Variants in USP10 observed in about 807,000 individuals in gnomAD.
The protein encoded by USP10 is ubiquitin carboxyl-terminal hydrolase 10.
In USP10, 22 loss-of-function variants were observed where a neutral mutation model predicts 84.5. The observed-to-expected ratio is 0.26, with a 90% confidence interval of 0.19 to 0.37. USP10 has a LOEUF of 0.37. Ranked by LOEUF, USP10 falls within the 10% of genes least tolerant of loss-of-function variation. The pLI, the probability that USP10 is intolerant of heterozygous loss-of-function variation, is 1.00. For missense variants in USP10, 1,019 were observed against 998.9 expected (o/e 1.02, Z -0.27); for synonymous variants, 454 against 387.6 (o/e 1.17, Z -2.01).
At chr16:84,742,615 C>T (rs1300656691) in intron 3 of USP10, among the ~76,000 whole-genome samples, 3 of 152,156 alleles carry the variant, frequency 2.0e-5, no homozygotes, top group Non-Finnish European at 4.4e-5. Flanking sequence ...TTCCATCTTC[C>T]TAATGTATTG....
At chr16:84,714,389 ACTCC>A (rs1457711525) in intron 1 of USP10, among the ~76,000 whole-genome samples, 1 of 151,952 alleles carries the variant, frequency 6.6e-6, no homozygotes, top group Non-Finnish European at 1.5e-5. Flanking sequence ...ATCGTAGCTC[ACTCC>A]CTGCACCATC....
At chr16:84,774,158 G>T (rs1481048608) in intron 12 of USP10, among the ~76,000 whole-genome samples, 2 of 151,420 alleles carry the variant, frequency 1.3e-5, no homozygotes, top group Non-Finnish European at 2.9e-5. Context: ...GCTGAGGCAG[G>T]AGAATCGCTT....
chr16:84,731,748 G>A (rs962737070), intron 1 of USP10, among the ~76,000 whole-genome samples: 7 of 151,228 alleles, frequency 4.6e-5, no homozygotes, highest in South Asian at 2.1e-4. Flanking sequence ...ATTAATTTCC[G>A]CGAACACTTT....
At chr16:84,751,577 T>C (rs1319068847) in intron 4 of USP10, among the ~76,000 whole-genome samples, 1 of 152,194 alleles carries the variant, frequency 6.6e-6, no homozygotes, top group Non-Finnish European at 1.5e-5. Flanking sequence ...TCTTTCCACT[T>C]CAGAAACATA....
chr16:84,743,094 G>A (rs566985276), intron 3 of USP10, among the ~76,000 whole-genome samples: 1 of 152,282 alleles, frequency 6.6e-6, no homozygotes, highest in Admixed American at 6.5e-5. Flanking sequence ...GGGAATAGGG[G>A]ATGTATGGAA....
intron 1 of USP10, among the ~76,000 whole-genome samples, chr16:84,725,075 AT>A (rs1379833708): frequency 6.6e-6 from 1 of 152,230 alleles, no homozygotes; most frequent in Non-Finnish European, 1.5e-5. Flanking sequence ...TTGAATAAAT[AT>A]GCATTTCAGT....
chr16:84,750,745 A>G lies in USP10; in HGVS notation c.1192+5072A>G, dbSNP rs528164371. 2.6e-5 allele frequency among the ~76,000 whole-genome samples: 4 copies of G among 152,350 alleles called. No individual in the cohort carries two copies. In the South Asian group the frequency reaches 8.3e-4, roughly 32 times the overall value. ...ACAGTATATTTTGTTTTAACAGAAT[A>G]TAAATAATGCTGGGTAAGAAGAGTG... On this transcript the variant is annotated intron_variant, in intron 4 of 13. Transcript: ENST00000219473.
intron 10 of USP10, among the ~76,000 whole-genome samples, chr16:84,764,832 GAA>G (rs896822687): frequency 4.0e-4 from 49 of 123,316 alleles, no homozygotes; most frequent in African/African-American, 1.4e-3. Flanking sequence ...TCTGTCTCAA[GAA>G]AAAAAAAAGA....
At chr16:84,760,551 T>A (rs1412866578) in intron 8 of USP10, among the ~76,000 whole-genome samples, 1 of 152,232 alleles carries the variant, frequency 6.6e-6, no homozygotes. Flanking sequence ...GTAGCTAATG[T>A]ACATGGCAGA....
intron 1 of USP10, among the ~76,000 whole-genome samples, chr16:84,722,387 C>G (rs1474106847): frequency 6.6e-6 from 1 of 152,220 alleles, no homozygotes; most frequent in Non-Finnish European, 1.5e-5. Context: ...TGTTCACATT[C>G]ATGTACAAGT....
At chr16:84,748,442 T>C (rs73243990) in intron 4 of USP10, among the ~76,000 whole-genome samples, 4,890 of 152,014 alleles carry the variant, frequency 0.032, 237 homozygotes, top group African/African-American at 0.11. Flanking sequence ...TAGCTGGGAC[T>C]ACAGGTGCCT....
At chr16:84,727,729 A>G (rs1597314854) in intron 1 of USP10, among the ~76,000 whole-genome samples, 3 of 152,202 alleles carry the variant, frequency 2.0e-5, no homozygotes, top group East Asian at 3.9e-4. Context: ...ATTTTTCCAA[A>G]CCCTTTGAGA....
chr16:84,742,377 C>T (rs1484005567), intron 3 of USP10, among the ~76,000 whole-genome samples: 1 of 152,214 alleles, frequency 6.6e-6, no homozygotes, highest in African/African-American at 2.4e-5. Flanking sequence ...TTTCTCTCCC[C>T]TCCCTCCATG....
chr16:84,708,706 C>T (rs1477914333), intron 1 of USP10, among the ~76,000 whole-genome samples: 1 of 152,236 alleles, frequency 6.6e-6, no homozygotes, highest in East Asian at 1.9e-4. Context: ...TCAGGTCCCA[C>T]TCCTGAGAGA....
chr16:84,776,277 C>T (rs551021418), intron 13 of USP10, among the ~76,000 whole-genome samples: 1 of 152,222 alleles, frequency 6.6e-6, no homozygotes, highest in South Asian at 2.1e-4. Context: ...GGGTGAGGGC[C>T]CAGGGATGGG....
intron 3 of USP10, among the ~76,000 whole-genome samples, chr16:84,741,874 G>A (rs935256601): frequency 2.6e-5 from 4 of 152,298 alleles, no homozygotes; most frequent in African/African-American, 9.6e-5. Context: ...GCTGATGGCA[G>A]GATCCATTTC....
At chr16:84,709,315 T>A (rs145496256) in intron 1 of USP10, 3 of 152,222 alleles carry the variant, frequency 2.0e-5, no homozygotes, top group Non-Finnish European at 2.9e-5. Context: ...GGGGACAGCA[T>A]GTGTGGTGGA....
chr16:84,727,507 A>G (rs1298990332), intron 1 of USP10, among the ~76,000 whole-genome samples: 2 of 152,220 alleles, frequency 1.3e-5, no homozygotes, highest in African/African-American at 4.8e-5. Flanking sequence ...TTATTTGCAA[A>G]TAGTTTGAAA....
chr16:84,741,316 A>G (rs1910592852), intron 3 of USP10, among the ~76,000 whole-genome samples: 1 of 152,204 alleles, frequency 6.6e-6, no homozygotes. Context: ...AAGTAATAAA[A>G]TGAATGAAGC....
Sources: gnomAD v4.1 joint callset for allele counts (sites outside exome capture counted in the v4.1 genomes callset) on GRCh38, gnomAD v4.1.1 for gene constraint, MANE v1.5 for transcripts, NCBI Gene and HGNC (gene_info 2026-07-23, HGNC 2026-07-21) for gene names.